RWDD4: variants seen among roughly 807,000 people sequenced by gnomAD.
RWDD4 encodes RWD domain-containing protein 4.
Under a neutral mutation model 30.0 loss-of-function variants are expected in RWDD4, and 16 were observed. That is an observed-to-expected ratio of 0.53 (90% CI 0.36 to 0.81). The LOEUF (loss-of-function observed/expected upper bound fraction) is 0.81, where lower values mean the gene tolerates loss of function less well. RWDD4 is among the 30% of genes least tolerant of loss of function. RWDD4 has a pLI of 0.00. For synonymous variants in RWDD4, 45 were observed against 72.1 expected, an observed-to-expected ratio of 0.62 and a Z score of 1.90; for missense variants, 170 against 223.9, an observed-to-expected ratio of 0.76 and a Z score of 1.54.
rs1733828431 is a variant in RWDD4 at position 183,640,022 on chromosome 4, C to G, written c.*1414G>C. The G allele has an allele frequency of 6.6e-6, 1 of 152,080 alleles. No individual in the cohort carries two copies. Among genetic ancestry groups the G allele is most frequent in the Non-Finnish European group, 1.5e-5 (1 of 68,018 alleles). The allele number at this position is 152,080 out of a possible 1,614,324, so 9.4% of individuals were successfully genotyped here. On this transcript the variant is annotated 3_prime_UTR_variant, in exon 8 of 8. Coordinates refer to ENST00000326397, the MANE Select transcript of RWDD4 (RefSeq NM_152682.4). ...ATACTACCCACACACAACCCTGAAA[C>G]ATAAGTTGCCATATTCCAGTGGTCC...
chr4:183,656,136 G>A (rs1221832367), intron 1 of RWDD4, 175 bp from the exon 2 acceptor site: 22 of 532,816 alleles, frequency 4.1e-5, no homozygotes, highest in Non-Finnish European at 6.7e-5. Context: ...TACTACCAAT[G>A]ATACTTACTT....
chr4:183,659,119 G>C lies in RWDD4; in HGVS notation c.-167C>G. ...ACTGCGCGCGCCCCGAGCCTCGGCA[G>C]CGCCCAGCCGCCGGCAGTGGGCTGT... On this transcript the variant is annotated 5_prime_UTR_variant, in exon 1 of 8. Coordinates refer to ENST00000326397, the MANE Select transcript of RWDD4 (RefSeq NM_152682.4). 1 of 471,804 alleles carries C rather than the reference G, an allele frequency of 2.1e-6. No individual in the cohort carries two copies. Among genetic ancestry groups the C allele is most frequent in the Non-Finnish European group, 3.4e-6 (1 of 294,600 alleles). The allele number at this position is 471,804 out of a possible 1,614,324, so 29.2% of individuals were successfully genotyped here.
chr4:183,645,817 A>G (rs1733955691), intron 7 of RWDD4, among the ~76,000 whole-genome samples: 1 of 152,186 alleles, frequency 6.6e-6, no homozygotes, highest in African/African-American at 2.4e-5. Context: ...AAAGTAAAAC[A>G]TTCTTTTCCA....
chr4:183,646,660 T>C lies in RWDD4; in HGVS notation c.482-123A>G. The C allele has an allele frequency of 6.3e-6, 5 of 799,434 alleles. No individual in the cohort carries two copies. The South Asian group carries it at 8.9e-5, about 14-fold the overall frequency. 49.5% of individuals were successfully genotyped at this position (799,434 alleles called of 1,614,324 possible). A position where few individuals can be genotyped will look rare whatever the true frequency, so the allele number is the denominator to read the frequency against. On this transcript the variant is annotated intron_variant, in intron 5 of 7. Coordinates refer to ENST00000326397, the MANE Select transcript of RWDD4 (RefSeq NM_152682.4). ...AAAATTTAAATGACATATTACTAAGTTGGAAAAAGAGTTTATCATTATGAA... is the reference window on the plus strand; with the variant it reads ...AAAATTTAAATGACATATTACTAAGCTGGAAAAAGAGTTTATCATTATGAA...
intron 1 of RWDD4, among the ~76,000 whole-genome samples, chr4:183,657,451 T>C (rs965265213): frequency 1.3e-5 from 2 of 152,208 alleles, no homozygotes; most frequent in Admixed American, 1.3e-4. Flanking sequence ...GGACAGTGAA[T>C]AATGCTGATG....
chr4:183,646,302 G>C, intron 7 of RWDD4, 49 bp downstream of exon 7: 1 of 797,918 alleles, frequency 1.3e-6, no homozygotes. Context: ...ATCTAAAATT[G>C]AGAGTGCAGG....
chr4:183,646,369 G>A lies in RWDD4; in HGVS notation c.532-16C>T. 8.0e-7 allele frequency: 1 copy of A among 1,257,286 alleles called. No homozygotes were observed. The highest frequency in any genetic ancestry group is 1.2e-6 in the Non-Finnish European group (1 of 856,782). 77.9% of individuals were successfully genotyped at this position (1,257,286 alleles called of 1,614,324 possible). On this transcript the variant is annotated splice_polypyrimidine_tract_variant and intron_variant, in intron 6 of 7. Coordinates refer to ENST00000326397, the MANE Select transcript of RWDD4 (RefSeq NM_152682.4). ...TACTTACATGCTGAATGTAAAAAAG[G>A]AAACAGACATCCCAGTGAATTCCAA...
intron 2 of RWDD4, among the ~76,000 whole-genome samples, chr4:183,652,615 T>C (rs544989508): frequency 2.8e-4 from 43 of 151,952 alleles, no homozygotes; most frequent in African/African-American, 8.7e-4. Context: ...ATCGAGACCA[T>C]CCTGGCCAAC....
intron 2 of RWDD4, among the ~76,000 whole-genome samples, chr4:183,654,959 T>G (rs985846610): frequency 1.3e-5 from 2 of 152,108 alleles, no homozygotes; most frequent in African/African-American, 4.8e-5. Context: ...TTTTGTTTTT[T>G]TTTTTGAGTC....
chr4:183,657,712 T>C (rs1418447419), intron 1 of RWDD4, among the ~76,000 whole-genome samples: 1 of 152,166 alleles, frequency 6.6e-6, no homozygotes, highest in East Asian at 1.9e-4. Flanking sequence ...GATTCCAGGA[T>C]AGTGAAGAGA....
At chr4:183,649,072 T>C in intron 5 of RWDD4, among the ~76,000 whole-genome samples, 1 of 152,088 alleles carries the variant, frequency 6.6e-6, no homozygotes, top group African/African-American at 2.4e-5. Context: ...AATCTAAATA[T>C]ATCCACCATA....
intron 6 of RWDD4, 29 bp downstream of exon 6, chr4:183,646,441 GTAATAATTGTAACAAGTT>G (rs757527923): frequency 6.3e-6 from 10 of 1,597,574 alleles, no homozygotes; most frequent in Non-Finnish European, 8.5e-6. Flanking sequence ...TTATTTGCTG[GTAATAATTGTAACAAGTT>G]TAAAGACTAG....
chr4:183,651,878 G>A (rs1734083465), intron 2 of RWDD4, among the ~76,000 whole-genome samples: 1 of 152,124 alleles, frequency 6.6e-6, no homozygotes, highest in African/African-American at 2.4e-5. Flanking sequence ...TGTTTCTTCC[G>A]CTCTGCTAAC....
Position 183,658,799 on chromosome 4 carries a change from G to T in RWDD4, c.24+130C>A, listed in dbSNP as rs1271795050. ...GCTTGGGTGGGACGCCGGTGAACTC[G>T]GGGCACCCCGGCCGGCTCCGAGGGC... On this transcript the variant is annotated intron_variant, in intron 1 of 7. Coordinates refer to ENST00000326397, the MANE Select transcript of RWDD4 (RefSeq NM_152682.4). 7.5e-6 allele frequency: 6 copies of T among 795,522 alleles called. No homozygotes were observed. The East Asian group carries it at 2.0e-4, about 27-fold the overall frequency. 49.3% of individuals were successfully genotyped at this position (795,522 alleles called of 1,614,324 possible).
chr4:183,657,344 C>T lies in RWDD4; in HGVS notation c.25-1383G>A, dbSNP rs142579424. Among the ~76,000 whole-genome samples, 30 of 152,320 alleles carry T rather than the reference C, an allele frequency of 2.0e-4. 1 individual carries two copies. Among genetic ancestry groups the T allele is most frequent in the African/African-American group, 7.2e-4 (30 of 41,578 alleles). On this transcript the variant is annotated intron_variant, in intron 1 of 7. Coordinates refer to ENST00000326397, the MANE Select transcript of RWDD4 (RefSeq NM_152682.4). ...CCTTACTCAAGATATAGTACTACTC[C>T]TTCTGTCCCTAATCCTTTCCCATAT...
chr4:183,655,366 C>T (rs966826308), intron 2 of RWDD4, among the ~76,000 whole-genome samples: 2 of 151,930 alleles, frequency 1.3e-5, no homozygotes, highest in African/African-American at 2.4e-5. Context: ...ACTGCAAGCT[C>T]TGCCTCCCGG....
At chr4:183,652,361 C>CGTTT (rs1734095351) in intron 2 of RWDD4, among the ~76,000 whole-genome samples, 1 of 123,316 alleles carries the variant, frequency 8.1e-6, no homozygotes, top group Non-Finnish European at 1.6e-5. Context: ...TCTCCCCTGG[C>CGTTT]TTTTTTTTTT....
At chr4:183,651,756 AAC>A (rs1289696260) in intron 2 of RWDD4, among the ~76,000 whole-genome samples, 1 of 152,242 alleles carries the variant, frequency 6.6e-6, no homozygotes, top group African/African-American at 2.4e-5. Context: ...TAGGAGGCAC[AAC>A]CCCAAGAGTC....
Position 183,640,949 on chromosome 4 carries a change from A to G in RWDD4, c.*487T>C, listed in dbSNP as rs1733843519. The stretch of plus-strand genomic sequence containing the variant: ...ATAAAGTTCAAATACCAGCATTTAA[A>G]TTTCTCTGAAGTAATTTACGGTTCA... On this transcript the variant is annotated 3_prime_UTR_variant, in exon 8 of 8. Coordinates refer to ENST00000326397, the MANE Select transcript of RWDD4 (RefSeq NM_152682.4). 1 of 152,620 alleles carries G rather than the reference A, an allele frequency of 6.6e-6. No homozygotes were observed. Among genetic ancestry groups the G allele is most frequent in the African/African-American group, 2.4e-5 (1 of 41,422 alleles). 9.5% of individuals were successfully genotyped at this position (152,620 alleles called of 1,614,324 possible).
Sources: allele counts gnomAD v4.1 joint callset (sites outside exome capture counted in the v4.1 genomes callset), GRCh38; gene constraint gnomAD v4.1.1; transcripts MANE v1.5; gene names NCBI Gene and HGNC (gene_info 2026-07-23, HGNC 2026-07-21).